DNAH6: variants seen among roughly 807,000 people sequenced by gnomAD.
DNAH6 encodes the protein axonemal beta dynein heavy chain 6.
DNAH6 carries 340 observed loss-of-function variants against 491.4 expected under a neutral mutation model. The observed-to-expected ratio is 0.69, with a 90% CI of 0.63 to 0.76. The LOEUF is 0.76. Among genes scored for constraint, DNAH6 ranks in the 30% least tolerant of loss-of-function variants. The pLI is 0.00. For missense variants in DNAH6, 4,443 were observed against 4,972.2 expected (o/e 0.89, Z 3.20); for synonymous variants, 1,603 against 1,686.1 (o/e 0.95, Z 1.21).
At chr2:84,626,882 A>G (rs1350796921) in intron 29 of DNAH6, among the ~76,000 whole-genome samples, 1 of 152,242 alleles carries the variant, frequency 6.6e-6, no homozygotes, top group Non-Finnish European at 1.5e-5. Flanking sequence ...CTGGGATTAC[A>G]GGCGTGAGCC....
rs1441141120 is a variant in DNAH6 at position 84,814,019 on chromosome 2, T to G, written c.12047T>G (p.Leu4016Arg). Residue 4016 changes from leucine (L) to arginine (R), a missense_variant, in exon 75 of 77, where the codon CTG (leucine) becomes CGG (arginine). Leu to Arg is a moderately radical substitution (Grantham distance 102). Transcript: ENST00000389394. ...ARKYNLPIDE[L>R]SFKYSVIPTY... ...AAATACAATTTGCCTATAGATGAGC[T>G]GAGTTTCAAATACAGCGTAATTCCC... 5 of 1,551,706 alleles carry G rather than the reference T, an allele frequency of 3.2e-6. No homozygotes were observed. The highest frequency in any genetic ancestry group is 4.4e-6 in the Non-Finnish European group (5 of 1,146,976).
Position 84,594,023 on chromosome 2 carries a change from C to T in DNAH6, c.2662C>T (p.Leu888Phe). The change falls in exon 17 of 77, where the codon CTC (leucine) becomes TTC (phenylalanine). Residue 888 changes from leucine to phenylalanine, a missense_variant. Leu to Phe is a conservative substitution (Grantham distance 22). Coordinates refer to ENST00000389394, the MANE Select transcript of DNAH6 (RefSeq NM_001370.2). ...ALEEVSAELK[L>F]KQLLWDSFSE... ...GGAAGAAGTCAGTGCTGAACTGAAGCTCAAACAATTGCTCTGGGATTCTTT... is the reference window on the plus strand; with the variant it reads ...GGAAGAAGTCAGTGCTGAACTGAAGTTCAAACAATTGCTCTGGGATTCTTT... 1.3e-6 allele frequency: 2 copies of T among 1,551,022 alleles called. No individual in the cohort carries two copies. Among genetic ancestry groups the T allele is most frequent in the Non-Finnish European group, 1.7e-6 (2 of 1,146,530 alleles).
intron 64 of DNAH6, among the ~76,000 whole-genome samples, chr2:84,763,487 TC>T (rs1439945657): frequency 2.0e-5 from 3 of 152,058 alleles, no homozygotes; most frequent in Non-Finnish European, 4.4e-5. Flanking sequence ...CCTAATCCTC[TC>T]CAAGATGTCA....
At chr2:84,615,104 G>T (rs1447295065) in intron 22 of DNAH6, among the ~76,000 whole-genome samples, 1 of 151,998 alleles carries the variant, frequency 6.6e-6, no homozygotes, top group Non-Finnish European at 1.5e-5. Context: ...TGGTCATGAA[G>T]TTCTTGCGTA....
At chr2:84,731,009 T>C (rs1699073975) in intron 61 of DNAH6, among the ~76,000 whole-genome samples, 1 of 152,318 alleles carries the variant, frequency 6.6e-6, no homozygotes, top group Non-Finnish European at 1.5e-5. Context: ...AGCAAAACTG[T>C]TGAAAATTAT....
intron 16 of DNAH6, among the ~76,000 whole-genome samples, chr2:84,590,854 G>T (rs541020237): frequency 5.3e-5 from 8 of 152,160 alleles, no homozygotes; most frequent in Non-Finnish European, 1.0e-4. Flanking sequence ...GGAATACATG[G>T]CATTCTGACA....
chr2:84,687,621 T>G (rs531024760), intron 44 of DNAH6, among the ~76,000 whole-genome samples: 4 of 152,266 alleles, frequency 2.6e-5, no homozygotes, highest in African/African-American at 9.6e-5. Flanking sequence ...TATTATCACA[T>G]GAGGGAATAC....
At chr2:84,602,482 C>CTTTTTTTTTTT (rs3029846) in intron 18 of DNAH6, among the ~76,000 whole-genome samples, 9 of 32,026 alleles carry the variant, frequency 2.8e-4, no homozygotes, top group African/African-American at 1.3e-3. Flanking sequence ...TGTTGTGTCC[C>CTTTTTTTTTTT]TTTTTTTTTT....
chr2:84,621,387 T>A (rs748890745), intron 25 of DNAH6, 32 bp downstream of exon 25: 15 of 1,548,676 alleles, frequency 9.7e-6, no homozygotes, highest in Non-Finnish European at 4.4e-6. Context: ...TATCCCTGAA[T>A]TCTTATTTGG....
chr2:84,675,680 G>T (rs147409914), intron 40 of DNAH6, among the ~76,000 whole-genome samples: 2 of 151,982 alleles, frequency 1.3e-5, no homozygotes, highest in South Asian at 2.1e-4. Context: ...TTATTTTGAG[G>T]TAGGGTCTCA....
intron 35 of DNAH6, among the ~76,000 whole-genome samples, chr2:84,656,513 A>C (rs1372162501): frequency 1.3e-5 from 2 of 151,986 alleles, no homozygotes; most frequent in Non-Finnish European, 2.9e-5. Flanking sequence ...TATTGTTTTA[A>C]TTTGCAATTT....
intron 11 of DNAH6, among the ~76,000 whole-genome samples, chr2:84,571,189 CAAAT>C (rs1681821563): frequency 6.6e-6 from 1 of 152,028 alleles, no homozygotes; most frequent in Non-Finnish European, 1.5e-5. Context: ...AGAATGCAAG[CAAAT>C]AAATGTAGAA....
At chr2:84,542,387 T>C (rs1213421743) in intron 4 of DNAH6, among the ~76,000 whole-genome samples, 1 of 152,226 alleles carries the variant, frequency 6.6e-6, no homozygotes, top group Non-Finnish European at 1.5e-5. Flanking sequence ...ACATGTAAAA[T>C]GTATTCCATA....
chr2:84,612,481 TA>T (rs1686431628), intron 22 of DNAH6, among the ~76,000 whole-genome samples: 2 of 152,166 alleles, frequency 1.3e-5, no homozygotes, highest in South Asian at 4.1e-4. Context: ...CCCATCCTGG[TA>T]AATATCCTCA....
chr2:84,649,395 C>G (rs1690206391), intron 33 of DNAH6, among the ~76,000 whole-genome samples: 2 of 152,120 alleles, frequency 1.3e-5, no homozygotes, highest in Non-Finnish European at 2.9e-5. Context: ...TTCTGATGCT[C>G]CAAGTTTGCT....
In DNAH6 at chr2:84,713,195, A is replaced by T. The variant is rs1455719691; in HGVS notation, c.9479A>T (p.Asp3160Val). 1.3e-6 allele frequency: 2 copies of T among 1,552,050 alleles called. No individual in the cohort carries two copies. Reference protein sequence around the residue: ...LLIRLGDSDIDYDKNFRFYMT... With the variant: ...LLIRLGDSDIVYDKNFRFYMT... ...ATCCGTCTTGGAGACTCAGACATTGATTATGACAAAAACTTTAGGTTCTAT... is the reference window on the plus strand; with the variant it reads ...ATCCGTCTTGGAGACTCAGACATTGTTTATGACAAAAACTTTAGGTTCTAT... The change falls in exon 57 of 77, where the codon GAT becomes GTT. Residue 3160 changes from aspartate (D) to valine (V), a missense_variant. Transcript: ENST00000389394.
intron 30 of DNAH6, among the ~76,000 whole-genome samples, chr2:84,636,288 G>A (rs181723688): frequency 7.9e-5 from 12 of 152,270 alleles, no homozygotes; most frequent in South Asian, 6.2e-4. Flanking sequence ...CATCATTTCC[G>A]GAACATGCAG....
chr2:84,697,827 A>T lies in DNAH6; in HGVS notation c.7677+100A>T, dbSNP rs879116841. ...TTGCCTGAAGGGGTCCATGAATAAA[A>T]TTTTTTTCAATATAATTGGTTTCCT... On this transcript the variant is annotated intron_variant, in intron 47 of 76. Transcript: ENST00000389394. 3.9e-6 allele frequency: 5 copies of T among 1,284,574 alleles called. No homozygotes were observed. The South Asian group carries it at 4.1e-5, about 10-fold the overall frequency. The allele number at this position is 1,284,574 out of a possible 1,614,324, so 79.6% of individuals were successfully genotyped here.
chr2:84,625,490 T>A (rs1400477527), intron 29 of DNAH6, among the ~76,000 whole-genome samples: 2 of 152,180 alleles, frequency 1.3e-5, no homozygotes, highest in East Asian at 3.8e-4. Flanking sequence ...GTTCTCAAAC[T>A]TTTTGGTCAT....
Sources: gnomAD v4.1 joint callset for allele counts (sites outside exome capture counted in the v4.1 genomes callset) on GRCh38, gnomAD v4.1.1 for gene constraint, MANE v1.5 for transcripts, NCBI Gene and HGNC (gene_info 2026-07-23, HGNC 2026-07-21) for gene names.